The following DPF3 variants were observed in gnomAD, a reference collection of about 807,000 sequenced individuals.
DPF3 encodes the protein double PHD fingers 3.
Under a neutral mutation model 56.8 loss-of-function variants are expected in DPF3, and 18 were observed. The ratio of observed to expected loss-of-function variants is 0.32; its 90% CI spans 0.22 to 0.47. The LOEUF is 0.47. Among genes scored for constraint, DPF3 ranks in the 20% least tolerant of loss-of-function variants. The pLI, the probability that DPF3 is intolerant of heterozygous loss-of-function variation, is 1.00. For synonymous variants in DPF3, 188 were observed against 180.2 expected (o/e 1.04, Z -0.35); for missense variants, 403 against 488.8 (o/e 0.82, Z 1.65).
intron 1 of DPF3, among the ~76,000 whole-genome samples, chr14:72,853,560 T>A (rs1470916531): frequency 6.8e-6 from 1 of 147,962 alleles, no homozygotes; most frequent in Non-Finnish European, 1.5e-5. Context: ...ACACAACCTC[T>A]GCCTCCCAGA....
At chr14:72,767,016 T>C (rs1227796829) in intron 2 of DPF3, among the ~76,000 whole-genome samples, 1 of 152,132 alleles carries the variant, frequency 6.6e-6, no homozygotes, top group Non-Finnish European at 1.5e-5. Flanking sequence ...ATAATACCAG[T>C]AGAGGCCTAG....
chr14:72,769,634 C>G (rs954080774), intron 2 of DPF3, among the ~76,000 whole-genome samples: 71 of 138,312 alleles, frequency 5.1e-4, no homozygotes, highest in Non-Finnish European at 3.6e-4. Context: ...GAGCCGAGAT[C>G]ATGCCACTGC....
At chr14:72,892,784 G>T in intron 1 of DPF3, 1 of 790,490 alleles carries the variant, frequency 1.3e-6, no homozygotes, top group Non-Finnish European at 1.5e-6. Context: ...AGTCCCGGTC[G>T]AAGGGGTGAG....
intron 1 of DPF3, among the ~76,000 whole-genome samples, chr14:72,856,800 T>C (rs999800919): frequency 3.9e-5 from 6 of 152,182 alleles, no homozygotes; most frequent in Admixed American, 3.9e-4. Flanking sequence ...GCAGGCTATA[T>C]AGCTCTGTGC....
At chr14:72,882,039 C>T (rs373011741) in intron 1 of DPF3, among the ~76,000 whole-genome samples, 19 of 152,128 alleles carry the variant, frequency 1.2e-4, no homozygotes, top group South Asian at 2.1e-4. Flanking sequence ...CCCCAAAGGC[C>T]GAAGCTTTGG....
intron 8 of DPF3, among the ~76,000 whole-genome samples, chr14:72,654,782 C>G (rs1886017413): frequency 6.6e-6 from 1 of 152,112 alleles, no homozygotes; most frequent in South Asian, 2.1e-4. Flanking sequence ...TCTTGCAGAA[C>G]CTAGCACATT....
intron 1 of DPF3, among the ~76,000 whole-genome samples, chr14:72,856,331 A>G (rs1885168156): frequency 1.3e-5 from 2 of 152,138 alleles, no homozygotes; most frequent in Non-Finnish European, 2.9e-5. Flanking sequence ...CTTTCTGATC[A>G]TCCATCTTGC....
At chr14:72,759,508 AAGAGAGAG>A (rs34502740) in intron 2 of DPF3, among the ~76,000 whole-genome samples, 1 of 147,612 alleles carries the variant, frequency 6.8e-6, no homozygotes. Context: ...GTCTCCACAA[AAGAGAGAG>A]AGAGAGAGAG....
intron 5 of DPF3, among the ~76,000 whole-genome samples, chr14:72,717,703 TTA>T (rs1888990823): frequency 6.6e-6 from 1 of 152,212 alleles, no homozygotes; most frequent in Admixed American, 6.5e-5. Flanking sequence ...CCAAGCAGTG[TTA>T]TGATTCCTAG....
chr14:72,745,325 T>C (rs908875852), intron 3 of DPF3, among the ~76,000 whole-genome samples: 12 of 152,224 alleles, frequency 7.9e-5, no homozygotes, highest in Non-Finnish European at 1.6e-4. Context: ...TCTCCATATT[T>C]TTTTTACTCA....
chr14:72,698,118 T>G (rs1887988784), intron 6 of DPF3, among the ~76,000 whole-genome samples: 1 of 152,228 alleles, frequency 6.6e-6, no homozygotes, highest in Non-Finnish European at 1.5e-5. Flanking sequence ...AAATCAAAAT[T>G]ACAACCTTAG....
intron 1 of DPF3, among the ~76,000 whole-genome samples, chr14:72,846,405 G>A (rs558419004): frequency 1.5e-4 from 21 of 143,554 alleles, no homozygotes; most frequent in Admixed American, 3.1e-4. Context: ...GTGCGATCTC[G>A]GCTCACTGCA....
rs1887109833 is a variant in DPF3, at chr14:72,680,391, C to T, written c.743-6023G>A. Among the ~76,000 whole-genome samples the T allele has an allele frequency of 2.6e-5, 4 of 152,340 alleles. No homozygotes were observed. In the South Asian group the frequency reaches 6.2e-4, roughly 24 times the overall value. ...CCGCCCCAGGGCTCCAGGAGGAAGA[C>T]AAAGGAAGGCTTCATCCCAAATGTG... On this transcript the variant is annotated intron_variant, in intron 7 of 10. Coordinates refer to ENST00000556509, the MANE Select transcript of DPF3 (RefSeq NM_001280542.3).
intron 5 of DPF3, among the ~76,000 whole-genome samples, chr14:72,715,141 C>T (rs1444911170): frequency 1.3e-5 from 2 of 152,228 alleles, no homozygotes. Flanking sequence ...TTGGCTAAGG[C>T]CTCCCTGTGT....
intron 2 of DPF3, among the ~76,000 whole-genome samples, chr14:72,756,950 GGAGAGGGAAAGAGGGGGA>G (rs1163584213): frequency 1.3e-4 from 17 of 133,242 alleles, no homozygotes; most frequent in South Asian, 2.5e-4. Flanking sequence ...GAAGAGAAAG[GGAGAGGGAAAGAGGGGGA>G]GAGAGGGAAA....
At chr14:72,731,538 CCT>C (rs1229005883) in intron 4 of DPF3, 2 of 434,018 alleles carry the variant, frequency 4.6e-6, no homozygotes, top group African/African-American at 4.0e-5. Flanking sequence ...CTGCACAGTC[CCT>C]GTGTTCACTA....
At chr14:72,744,283 C>CT (rs1394847913) in intron 3 of DPF3, among the ~76,000 whole-genome samples, 1 of 152,092 alleles carries the variant, frequency 6.6e-6, no homozygotes, top group African/African-American at 2.4e-5. Flanking sequence ...CAGCTCCCCA[C>CT]TTTTTTTGAG....
intron 5 of DPF3, among the ~76,000 whole-genome samples, chr14:72,715,210 T>C (rs2153575843): frequency 6.6e-6 from 1 of 152,306 alleles, no homozygotes; most frequent in East Asian, 1.9e-4. Flanking sequence ...TCTCCTGGGC[T>C]GGACTTCTGA....
intron 7 of DPF3, among the ~76,000 whole-genome samples, chr14:72,684,929 C>T (rs966411846): frequency 6.6e-6 from 1 of 152,166 alleles, no homozygotes; most frequent in Non-Finnish European, 1.5e-5. Flanking sequence ...GCTTGTTTCT[C>T]TCTCTCCACC....
Sources: gnomAD v4.1 joint callset for allele counts (sites outside exome capture counted in the v4.1 genomes callset) on GRCh38, gnomAD v4.1.1 for gene constraint, MANE v1.5 for transcripts, NCBI Gene and HGNC (gene_info 2026-07-23, HGNC 2026-07-21) for gene names.